The following OLA1 variants were observed in gnomAD, a reference collection of about 807,000 sequenced individuals.
The protein encoded by OLA1 is obg-like ATPase 1.
Under a neutral mutation model 48.4 loss-of-function variants are expected in OLA1, and 14 were observed. The ratio of observed to expected loss-of-function variants is 0.29; its 90% CI spans 0.19 to 0.45. The LOEUF (loss-of-function observed/expected upper bound fraction) is 0.45, where lower values mean the gene tolerates loss of function less well. OLA1 is among the 20% of genes least tolerant of loss of function. OLA1 has a pLI of 1.00. For synonymous variants in OLA1, 127 were observed against 150.4 expected (o/e 0.84, Z 1.14); for missense variants, 325 against 467.1 (o/e 0.70, Z 2.80).
chr2:174,085,300 C>G lies in OLA1; in HGVS notation c.729-3236G>C, dbSNP rs564814351. 1.4e-4 allele frequency among the ~76,000 whole-genome samples: 22 copies of G among 152,316 alleles called. 1 individual carries two copies. The highest frequency in any genetic ancestry group is 4.6e-4 in the African/African-American group (19 of 41,574). On this transcript the variant is annotated intron_variant, in intron 7 of 10. Coordinates refer to ENST00000284719, the MANE Select transcript of OLA1 (RefSeq NM_013341.5). ...ATGGCCTGTTAGGAATCAGGCTGCA[C>G]AGCAGGAGGTGAGTGGGGAACGAGC...
rs1239852931 is a variant in OLA1 at position 174,163,707 on chromosome 2, AATAAATATATATATATATATATAT to A, written c.374-21731_374-21708del. 6.8e-4 allele frequency among the ~76,000 whole-genome samples: 27 copies of A among 39,994 alleles called. 2 individuals are homozygous for A. Among genetic ancestry groups the A allele is most frequent in the African/African-American group, 2.2e-3 (20 of 9,070 alleles). The allele number at this position is 39,994 out of a possible 152,430, so 26.2% of individuals were successfully genotyped here. A position where few individuals can be genotyped will look rare whatever the true frequency, so the allele number is the denominator to read the frequency against. ...CCTTGTCTCAAAAATAAAATAAATAAATAAATATATATATATATATATATATATATATATATATATATATATATA... is the reference window on the plus strand; with the variant it reads ...CCTTGTCTCAAAAATAAAATAAATAAATATATATATATATATATATATATA... On this transcript the variant is annotated intron_variant, in intron 4 of 10. Transcript: ENST00000284719.
rs191011432 is a variant in OLA1, at chr2:174,212,748, G to A, written c.373+10285C>T. 1.7e-3 allele frequency among the ~76,000 whole-genome samples: 253 copies of A among 151,784 alleles called. 3 individuals are homozygous for A. The highest frequency in any genetic ancestry group is 5.7e-3 in the African/African-American group (236 of 41,334). On this transcript the variant is annotated intron_variant, in intron 4 of 10. Coordinates refer to ENST00000284719, the MANE Select transcript of OLA1 (RefSeq NM_013341.5). ...AACTAAGACACAAATACACACAGTA[G>A]CCTAAGCTTACACAGGGTGAGGATC...
intron 4 of OLA1, among the ~76,000 whole-genome samples, chr2:174,161,093 C>T (rs10189326): frequency 1.3e-5 from 2 of 151,960 alleles, no homozygotes; most frequent in African/African-American, 2.4e-5. Flanking sequence ...TTAAATAGTG[C>T]AGTTCATTTT....
intron 7 of OLA1, among the ~76,000 whole-genome samples, chr2:174,093,132 C>T: frequency 6.6e-6 from 1 of 152,094 alleles, no homozygotes; most frequent in Non-Finnish European, 1.5e-5. Context: ...TTGTGAACAA[C>T]CTGTGAATCC....
intron 4 of OLA1, among the ~76,000 whole-genome samples, chr2:174,142,781 A>C (rs1317628139): frequency 1.3e-5 from 2 of 152,214 alleles, no homozygotes; most frequent in African/African-American, 4.8e-5. Flanking sequence ...TTCAACTGGG[A>C]TTTACTCAAA....
Position 174,075,496 on chromosome 2 carries a change from T to C in OLA1, c.1121A>G (p.Asn374Ser), listed in dbSNP as rs1684716500. The C allele has an allele frequency of 6.2e-7, 1 of 1,610,952 alleles. No individual in the cohort carries two copies. The highest frequency in any genetic ancestry group is 8.5e-7 in the Non-Finnish European group (1 of 1,177,670). Residue 374 changes from asparagine (N) to serine (S), a missense_variant, in exon 11 of 11, where the codon AAT (asparagine) becomes AGT (serine). Asn to Ser is a conservative substitution (Grantham distance 46, BLOSUM62 1). Coordinates refer to ENST00000284719, the MANE Select transcript of OLA1 (RefSeq NM_013341.5). ...AAGKYRQQGR[N>S]YIVEDGDIIF... ...AATATCTCCATCTTCAACAATATAA[T>C]TTCTGCCTTGTTGTCTGTACTTTCC...
chr2:174,176,892 CTATT>C (rs1687433952), intron 4 of OLA1, among the ~76,000 whole-genome samples: 1 of 152,040 alleles, frequency 6.6e-6, no homozygotes, highest in African/African-American at 2.4e-5. Context: ...CATTTCTGTG[CTATT>C]TAGTTTGCTG....
chr2:174,194,187 G>A (rs1201779528), intron 4 of OLA1, among the ~76,000 whole-genome samples: 14 of 152,196 alleles, frequency 9.2e-5, no homozygotes, highest in Non-Finnish European at 1.8e-4. Context: ...GTGCCACATC[G>A]CATACTTTTG....
intron 2 of OLA1, among the ~76,000 whole-genome samples, chr2:174,246,299 CAA>C (rs113381257): frequency 7.1e-6 from 1 of 139,900 alleles, no homozygotes; most frequent in African/African-American, 2.7e-5. Flanking sequence ...GACTCCATCT[CAA>C]AAAAAAAAAA....
chr2:174,239,978 A>G (rs1688956874), intron 2 of OLA1, among the ~76,000 whole-genome samples: 1 of 152,160 alleles, frequency 6.6e-6, no homozygotes, highest in South Asian at 2.1e-4. Context: ...AGGGACAATT[A>G]GTAAATCAAT....
At chr2:174,164,025 C>T (rs1236524503) in intron 4 of OLA1, among the ~76,000 whole-genome samples, 1 of 151,374 alleles carries the variant, frequency 6.6e-6, no homozygotes, top group African/African-American at 2.4e-5. Context: ...TGGTTACCCC[C>T]ATTCTGTTCT....
intron 7 of OLA1, among the ~76,000 whole-genome samples, chr2:174,101,136 C>T (rs1041570168): frequency 1.6e-4 from 25 of 152,192 alleles, no homozygotes; most frequent in African/African-American, 5.1e-4. Flanking sequence ...ATATTCCCAC[C>T]AGCAATGCAT....
chr2:174,207,760 A>C (rs1688149697), intron 4 of OLA1, among the ~76,000 whole-genome samples: 2 of 112,102 alleles, frequency 1.8e-5, no homozygotes, highest in South Asian at 7.9e-4. Flanking sequence ...TACAGATTGA[A>C]AAGTAAAATC....
At chr2:174,248,408 A>C (rs189431406) in intron 1 of OLA1, 44 bp downstream of exon 1, 2,496 of 160,246 alleles carry the variant, frequency 0.016, 27 homozygotes, top group Middle Eastern at 0.044. Context: ...CAGGCGCCGA[A>C]GACCTGGCGG....
rs1558940608 is a variant in OLA1, at chr2:174,074,123, G to A, written c.*1303C>T. 1 of 152,102 alleles carries A rather than the reference G, an allele frequency of 6.6e-6. No individual in the cohort carries two copies. Among genetic ancestry groups the A allele is most frequent in the Non-Finnish European group, 1.5e-5 (1 of 68,022 alleles). The allele number at this position is 152,102 out of a possible 1,614,324, so 9.4% of individuals were successfully genotyped here. On this transcript the variant is annotated 3_prime_UTR_variant, in exon 11 of 11. Coordinates refer to ENST00000284719, the MANE Select transcript of OLA1 (RefSeq NM_013341.5). ...TACATTTGGTAACTTTCCATTTTAA[G>A]TTTGTGTGTGTTCTAATACTTCTGC... is the stretch of plus-strand genomic sequence containing the variant.
chr2:174,240,023 T>C (rs1335164623), intron 2 of OLA1: 1 of 152,210 alleles, frequency 6.6e-6, no homozygotes, highest in African/African-American at 2.4e-5. Flanking sequence ...GTATTATAGT[T>C]ATAAAGATTT....
chr2:174,194,147 G>C (rs994918257), intron 4 of OLA1, among the ~76,000 whole-genome samples: 1 of 152,142 alleles, frequency 6.6e-6, no homozygotes, highest in African/African-American at 2.4e-5. Flanking sequence ...AAGAAGCCAC[G>C]TGTCACCGCT....
intron 4 of OLA1, among the ~76,000 whole-genome samples, chr2:174,195,489 T>A (rs1338656158): frequency 3.9e-5 from 6 of 152,118 alleles, no homozygotes; most frequent in Non-Finnish European, 2.9e-5. Flanking sequence ...ATTTAATCAT[T>A]TACTTATATA....
In OLA1 at chr2:174,091,869, CAAAAAAAAAAAAAAAAAAAAAA is replaced by C. The variant is rs1174747360; in HGVS notation, c.729-9827_729-9806del. 6.9e-3 allele frequency among the ~76,000 whole-genome samples: 158 copies of C among 22,978 alleles called. 2 individuals carry two copies. Among genetic ancestry groups the C allele is most frequent in the Middle Eastern group, 0.031 (1 of 32 alleles). 15.1% of individuals were successfully genotyped at this position (22,978 alleles called of 152,430 possible). ...CCTGGGAGACAGCGAGACTCTGCCT[CAAAAAAAAAAAAAAAAAAAAAA>C]AAAAAAAAAAAAAAAAGCCTCTCCC... On this transcript the variant is annotated intron_variant, in intron 7 of 10. Coordinates refer to ENST00000284719, the MANE Select transcript of OLA1 (RefSeq NM_013341.5).
Sources: allele counts gnomAD v4.1 joint callset (sites outside exome capture counted in the v4.1 genomes callset), GRCh38; gene constraint gnomAD v4.1.1; transcripts MANE v1.5; gene names NCBI Gene and HGNC (gene_info 2026-07-23, HGNC 2026-07-21).